The following THSD4 variants were observed in gnomAD, a reference collection of about 807,000 sequenced individuals.
THSD4 encodes the protein thrombospondin type 1 domain containing 4.
THSD4 carries 69 observed loss-of-function variants against 119.0 expected under a neutral mutation model. The ratio of observed to expected loss-of-function variants is 0.58; its 90% CI spans 0.48 to 0.71. The LOEUF (loss-of-function observed/expected upper bound fraction) is 0.71, where lower values mean the gene tolerates loss of function less well. Among genes scored for constraint, THSD4 ranks in the 30% least tolerant of loss-of-function variants. THSD4 has a pLI of 0.00. For synonymous variants in THSD4, 524 were observed against 540.4 expected (o/e 0.97, Z 0.42); for missense variants, 1,393 against 1,391.1 (o/e 1.00, Z -0.02).
Position 71,156,835 on chromosome 15 carries a change from C to T in THSD4, c.99+1903C>T, listed in dbSNP as rs73431411. 9.4e-3 allele frequency among the ~76,000 whole-genome samples: 1,426 copies of T among 152,212 alleles called. 23 individuals are homozygous for T. The highest frequency in any genetic ancestry group is 0.032 in the African/African-American group (1,330 of 41,514). Reference sequence around the variant, plus strand: ...CCTATTCCCAGCTCCTAGAATACAGCCTGGCATGTTGTAGGTGCTCAATAA... The same window carrying T: ...CCTATTCCCAGCTCCTAGAATACAGTCTGGCATGTTGTAGGTGCTCAATAA... On this transcript the variant is annotated intron_variant, in intron 3 of 17. Coordinates refer to ENST00000261862, the MANE Select transcript of THSD4 (RefSeq NM_024817.3).
intron 7 of THSD4, among the ~76,000 whole-genome samples, chr15:71,585,218 C>G (rs1345305544): frequency 1.3e-5 from 2 of 152,082 alleles, no homozygotes; most frequent in East Asian, 1.9e-4. Flanking sequence ...TAATTCGTGT[C>G]TTTTTGTTTC....
At chr15:71,438,801 C>G (rs981749403) in intron 7 of THSD4, among the ~76,000 whole-genome samples, 1 of 152,156 alleles carries the variant, frequency 6.6e-6, no homozygotes, top group African/African-American at 2.4e-5. Flanking sequence ...TTGCTTTGCT[C>G]GGGGCTAATG....
intron 7 of THSD4, among the ~76,000 whole-genome samples, chr15:71,629,965 T>C (rs1431967494): frequency 6.6e-6 from 1 of 152,190 alleles, no homozygotes; most frequent in East Asian, 1.9e-4. Flanking sequence ...CCTTGTGTGC[T>C]CAGAGAGGGG....
intron 6 of THSD4, among the ~76,000 whole-genome samples, chr15:71,388,325 A>G (rs1222452881): frequency 1.3e-5 from 2 of 152,178 alleles, no homozygotes; most frequent in Non-Finnish European, 2.9e-5. Flanking sequence ...ACTTTATAGT[A>G]GGAGAATGTG....
chr15:71,250,651 G>T (rs2140282199), intron 5 of THSD4, among the ~76,000 whole-genome samples: 1 of 152,116 alleles, frequency 6.6e-6, no homozygotes, highest in South Asian at 2.1e-4. Context: ...TTTGCCATGT[G>T]CTTCCTGATT....
chr15:71,517,438 T>C (rs1370388891), intron 7 of THSD4, among the ~76,000 whole-genome samples: 1 of 152,216 alleles, frequency 6.6e-6, no homozygotes, highest in Non-Finnish European at 1.5e-5. Context: ...TTTCTCTCCC[T>C]TTCTGCCTAT....
chr15:71,202,510 A>C (rs2043812193), intron 3 of THSD4, among the ~76,000 whole-genome samples: 1 of 152,218 alleles, frequency 6.6e-6, no homozygotes, highest in Non-Finnish European at 1.5e-5. Flanking sequence ...AAAGTGGCCT[A>C]CTGAATGCTG....
At chr15:71,239,004 T>G (rs2044130069) in intron 4 of THSD4, among the ~76,000 whole-genome samples, 1 of 152,216 alleles carries the variant, frequency 6.6e-6, no homozygotes, top group African/African-American at 2.4e-5. Flanking sequence ...ATGGTCATGC[T>G]CTCATTTTAC....
chr15:71,761,000 C>G (rs985069797), intron 15 of THSD4, among the ~76,000 whole-genome samples: 1 of 152,010 alleles, frequency 6.6e-6, no homozygotes, highest in Non-Finnish European at 1.5e-5. Flanking sequence ...CTATTTTTGT[C>G]TTTATTTTTA....
intron 7 of THSD4, among the ~76,000 whole-genome samples, chr15:71,539,764 G>C (rs779416911): frequency 6.6e-6 from 1 of 152,168 alleles, no homozygotes; most frequent in African/African-American, 2.4e-5. Flanking sequence ...GCAGATTAGA[G>C]TTTGCTATAA....
At position 71,720,022 on chromosome 15, in the gene THSD4, C is replaced by CT. The variant is rs750020826; in HGVS notation, c.1358-8514dup. 7.7e-3 allele frequency among the ~76,000 whole-genome samples: 877 copies of CT among 114,452 alleles called. 19 individuals are homozygous for CT. The highest frequency in any genetic ancestry group is 0.026 in the African/African-American group (794 of 30,154). The allele number at this position is 114,452 out of a possible 152,430, so 75.1% of individuals were successfully genotyped here. A position where few individuals can be genotyped will look rare whatever the true frequency, so the allele number is the denominator to read the frequency against. Reference sequence around the variant, plus strand: ...CAAATTTGCTGTGTAATAACATGTGCTTTTTTTTTTTTTCTTTTTTTTTTT... The same window carrying CT: ...CAAATTTGCTGTGTAATAACATGTGCTTTTTTTTTTTTTTCTTTTTTTTTTT... On this transcript the variant is annotated intron_variant, in intron 8 of 17. Coordinates refer to ENST00000261862, the MANE Select transcript of THSD4 (RefSeq NM_024817.3).
chr15:71,754,828 T>TA (rs5813664), intron 14 of THSD4, among the ~76,000 whole-genome samples: 98,484 of 151,908 alleles, frequency 0.65, 34,359 homozygotes, highest in Non-Finnish European at 0.79. Flanking sequence ...GAGAAGCAGT[T>TA]AGACTTGAGG....
At chr15:71,608,222 CAA>C (rs1220559216) in intron 7 of THSD4, among the ~76,000 whole-genome samples, 106 of 46,748 alleles carry the variant, frequency 2.3e-3, no homozygotes, top group African/African-American at 8.4e-3. Flanking sequence ...AACTCTGTCT[CAA>C]AAAAAAAAAA....
chr15:71,708,378 CCAAGGG>C (rs778256359), intron 8 of THSD4, among the ~76,000 whole-genome samples: 9 of 152,170 alleles, frequency 5.9e-5, no homozygotes, highest in Non-Finnish European at 1.3e-4. Flanking sequence ...CAGTGCCTGG[CCAAGGG>C]CTATCGGCCT....
intron 3 of THSD4, among the ~76,000 whole-genome samples, chr15:71,205,206 A>G (rs2043833662): frequency 1.3e-5 from 2 of 152,224 alleles, no homozygotes; most frequent in African/African-American, 4.8e-5. Flanking sequence ...CACCTTGAGA[A>G]GCGTAGCACA....
chr15:71,775,452 G>A (rs2053895965), intron 17 of THSD4, among the ~76,000 whole-genome samples: 2 of 152,202 alleles, frequency 1.3e-5, no homozygotes, highest in South Asian at 4.1e-4. Flanking sequence ...GCTCACGCCT[G>A]TAATCTCAGC....
intron 3 of THSD4, among the ~76,000 whole-genome samples, chr15:71,213,564 T>C (rs1426285154): frequency 1.3e-5 from 2 of 152,310 alleles, no homozygotes; most frequent in East Asian, 3.9e-4. Flanking sequence ...TGTGATGTGT[T>C]TTCCCTTGTC....
chr15:71,507,578 G>T (rs937952350), intron 7 of THSD4, among the ~76,000 whole-genome samples: 4 of 152,154 alleles, frequency 2.6e-5, no homozygotes, highest in African/African-American at 9.7e-5. Flanking sequence ...AAAGGTGGGG[G>T]CTGAGGAGAG....
intron 5 of THSD4, 127 bp from the exon 6 acceptor site, chr15:71,256,486 A>T (rs1317977176): frequency 1.7e-6 from 1 of 593,434 alleles, no homozygotes; most frequent in Admixed American, 4.7e-5. Context: ...AAAAAAAAAA[A>T]AATAAATAAA....
Sources: allele counts gnomAD v4.1 joint callset (sites outside exome capture counted in the v4.1 genomes callset), GRCh38; gene constraint gnomAD v4.1.1; transcripts MANE v1.5; gene names NCBI Gene and HGNC (gene_info 2026-07-23, HGNC 2026-07-21).